Variants in GATB observed in about 807,000 individuals in gnomAD.
GATB encodes the protein glutamyl-tRNA(Gln) amidotransferase subunit B, mitochondrial.
A neutral mutation model predicts 62.3 loss-of-function variants in GATB; 39 were observed. That is an observed-to-expected ratio of 0.63 (90% CI 0.48 to 0.82). The LOEUF is 0.82. GATB is among the 40% of genes least tolerant of loss of function. GATB has a pLI of 0.00. For missense variants in GATB, 670 were observed against 684.0 expected, an observed-to-expected ratio of 0.98 and a Z score of 0.23; for synonymous variants, 276 against 258.9, an observed-to-expected ratio of 1.07 and a Z score of -0.63.
chr4:151,758,332 A>G lies in GATB; in HGVS notation c.327+440T>C, dbSNP rs562357126. Among the ~76,000 whole-genome samples, 4 of 152,236 alleles carry G rather than the reference A, an allele frequency of 2.6e-5. No individual in the cohort carries two copies. The South Asian group carries it at 6.2e-4, about 24-fold the overall frequency. On this transcript the variant is annotated intron_variant, in intron 2 of 12. Transcript: ENST00000263985. Reference sequence around the variant, plus strand: ...CTTAACCTAAAGTACCCCTACTTCAATTTCTCACAACAGTCCTTTCTTTTA... The same window carrying G: ...CTTAACCTAAAGTACCCCTACTTCAGTTTCTCACAACAGTCCTTTCTTTTA...
At chr4:151,697,975 A>ATATGTG (rs1738519269) in intron 9 of GATB, among the ~76,000 whole-genome samples, 1 of 125,810 alleles carries the variant, frequency 7.9e-6, no homozygotes, top group African/African-American at 3.5e-5. Context: ...ATATATATAT[A>ATATGTG]TATATATATA....
chr4:151,752,107 G>C (rs910958166), intron 2 of GATB, among the ~76,000 whole-genome samples: 5 of 152,086 alleles, frequency 3.3e-5, no homozygotes, highest in African/African-American at 9.7e-5. Context: ...TTTCCCCTAA[G>C]AATGTTTAAG....
rs1739038132 is a variant in GATB, at chr4:151,721,848, A to G, written c.328-2310T>C. ...CCTCCCTGTGGGAGAAGAGTTGAGG[A>G]CCATCACAGACTCTCACTGTGTCCG... is the stretch of plus-strand genomic sequence containing the variant. On this transcript the variant is annotated intron_variant, in intron 2 of 12. Coordinates refer to ENST00000263985, the MANE Select transcript of GATB (RefSeq NM_004564.3). 3 of 248,638 alleles carry G rather than the reference A, an allele frequency of 1.2e-5. No individual in the cohort carries two copies. The South Asian group carries it at 3.2e-4, about 27-fold the overall frequency. The allele number at this position is 248,638 out of a possible 1,614,324, so 15.4% of individuals were successfully genotyped here.
intron 2 of GATB, among the ~76,000 whole-genome samples, chr4:151,748,893 C>A (rs1410889728): frequency 2.0e-5 from 3 of 152,186 alleles, no homozygotes; most frequent in Admixed American, 6.5e-5. Context: ...ATGCAGCCAA[C>A]AGACACATGA....
At chr4:151,714,273 C>G (rs1463187275) in intron 5 of GATB, among the ~76,000 whole-genome samples, 1 of 152,230 alleles carries the variant, frequency 6.6e-6, no homozygotes, top group Non-Finnish European at 1.5e-5. Flanking sequence ...GTCCACTAGT[C>G]TTCAGTGTCA....
At chr4:151,722,343 T>C in intron 2 of GATB, 1 of 623,038 alleles carries the variant, frequency 1.6e-6, no homozygotes, top group Non-Finnish European at 2.8e-6. Flanking sequence ...CTGCAAACCC[T>C]TTTCAAGTTT....
At chr4:151,697,967 A>ATATATATATATATATGTGTG (rs201687067) in intron 9 of GATB, among the ~76,000 whole-genome samples, 12 of 101,872 alleles carry the variant, frequency 1.2e-4, no homozygotes, top group African/African-American at 6.3e-4. Flanking sequence ...ATATATATAT[A>ATATATATATATATATGTGTG]TATATATATA....
At chr4:151,731,720 C>T (rs1739256318) in intron 2 of GATB, among the ~76,000 whole-genome samples, 1 of 151,192 alleles carries the variant, frequency 6.6e-6, no homozygotes, top group African/African-American at 2.4e-5. Context: ...AGCGCCTCTG[C>T]CCCGCTGCCC....
rs1560838143 is a variant in GATB at position 151,672,913 on chromosome 4, G to A, written c.1411-17C>T. On this transcript the variant is annotated splice_polypyrimidine_tract_variant and intron_variant, in intron 11 of 12. Coordinates refer to ENST00000263985, the MANE Select transcript of GATB (RefSeq NM_004564.3). ...CTCAAACACCTATGGACCAGAGAAGGGAGAGGAAAGAGAAATGAGAAGTCA... is the reference window on the plus strand; with the variant it reads ...CTCAAACACCTATGGACCAGAGAAGAGAGAGGAAAGAGAAATGAGAAGTCA... 6.2e-7 allele frequency: 1 copy of A among 1,613,338 alleles called. No homozygotes were observed. Among genetic ancestry groups the A allele is most frequent in the Admixed American group, 1.7e-5 (1 of 59,986 alleles).
intron 5 of GATB, among the ~76,000 whole-genome samples, chr4:151,708,384 G>T (rs986124643): frequency 2.6e-5 from 4 of 152,178 alleles, no homozygotes; most frequent in South Asian, 2.1e-4. Context: ...TTTTAGATTC[G>T]CCAGCTGGAG....
chr4:151,690,762 T>C (rs1004838950), intron 9 of GATB, among the ~76,000 whole-genome samples: 1 of 152,220 alleles, frequency 6.6e-6, no homozygotes, highest in Non-Finnish European at 1.5e-5. Context: ...TCTTTTCATG[T>C]CAGTGCTGTG....
chr4:151,697,930 CAT>C (rs761669621), intron 9 of GATB, among the ~76,000 whole-genome samples: 6,351 of 91,286 alleles, frequency 0.07, 356 homozygotes, highest in Non-Finnish European at 0.081. Flanking sequence ...AAATCGATTT[CAT>C]ATATATGTGT....
intron 2 of GATB, among the ~76,000 whole-genome samples, chr4:151,755,693 T>A (rs1739813232): frequency 3.3e-5 from 5 of 152,212 alleles, no homozygotes. Context: ...TGTTTTGATG[T>A]GTGAAATGAG....
chr4:151,716,020 GC>G lies in GATB; in HGVS notation c.751del (p.Ala251ArgfsTer8). On this transcript the variant is annotated frameshift_variant, in exon 5 of 13. Transcript: ENST00000263985. LOFTEE classifies it high-confidence loss of function. ...TCTGTGGCTTCTACCTGCCATGTTC[GC>G]CTGGCTGGTCCCCAGGGCTTGAAGG... ...LILQALGTSQ[A>X]NMAEGQLRVD... 1.2e-6 allele frequency: 2 copies of G among 1,613,650 alleles called. No individual in the cohort carries two copies. The highest frequency in any genetic ancestry group is 1.7e-6 in the Non-Finnish European group (2 of 1,179,844).
rs143506147 is a variant in GATB, at chr4:151,716,473, G to A, written c.641-342C>T. Among the ~76,000 whole-genome samples, 16 of 152,002 alleles carry A rather than the reference G, an allele frequency of 1.1e-4. No individual in the cohort carries two copies. In the East Asian group the frequency reaches 1.9e-3, roughly 18 times the overall value. Reference sequence around the variant, plus strand: ...GTTAATTTTTTGGCAAGTAGGTCTCGCTATGTTGCCCAGCCTGATCTCAAA... The same window carrying A: ...GTTAATTTTTTGGCAAGTAGGTCTCACTATGTTGCCCAGCCTGATCTCAAA... On this transcript the variant is annotated intron_variant, in intron 4 of 12. Transcript: ENST00000263985.
At chr4:151,759,819 CGTTTT>C (rs975026818) in intron 1 of GATB, among the ~76,000 whole-genome samples, 1 of 151,708 alleles carries the variant, frequency 6.6e-6, no homozygotes, top group Non-Finnish European at 1.5e-5. Flanking sequence ...TATTTTACAT[CGTTTT>C]GTTTTGTTTC....
chr4:151,722,441 C>T (rs1000556031), intron 2 of GATB: 35 of 535,274 alleles, frequency 6.5e-5, no homozygotes, highest in African/African-American at 3.3e-4. Context: ...GATGTTCCCA[C>T]GACAAAGGCC....
At position 151,723,760 on chromosome 4, in the gene GATB, T is replaced by C. The variant is rs548918735; in HGVS notation, c.328-4222A>G. On this transcript the variant is annotated intron_variant, in intron 2 of 12. Transcript: ENST00000263985. ...AGAAACCCTTAGACACAGGCACCCA[T>C]ACAATGATTTATCAAATAAGAGGCT... 2.0e-5 allele frequency: 3 copies of C among 152,310 alleles called. No individual in the cohort carries two copies. In the South Asian group the frequency reaches 6.2e-4, roughly 32 times the overall value. 9.4% of individuals were successfully genotyped at this position (152,310 alleles called of 1,614,324 possible).
chr4:151,712,911 C>A (rs1738846869), intron 5 of GATB, among the ~76,000 whole-genome samples: 1 of 152,152 alleles, frequency 6.6e-6, no homozygotes, highest in East Asian at 1.9e-4. Flanking sequence ...TGGTCTGTGG[C>A]CTGTTAGGAA....
Sources: allele counts gnomAD v4.1 joint callset (sites outside exome capture counted in the v4.1 genomes callset), GRCh38; gene constraint gnomAD v4.1.1; transcripts MANE v1.5; gene names NCBI Gene and HGNC (gene_info 2026-07-23, HGNC 2026-07-21).